SGSM1: variants seen among roughly 807,000 people sequenced by gnomAD.
SGSM1 encodes the protein small G protein signaling modulator 1.
Under a neutral mutation model 133.8 loss-of-function variants are expected in SGSM1, and 73 were observed. The ratio of observed to expected loss-of-function variants is 0.55; its 90% confidence interval spans 0.45 to 0.66. SGSM1 has a LOEUF of 0.66. Among genes scored for constraint, SGSM1 ranks in the 30% least tolerant of loss-of-function variants. The pLI is 0.00. For synonymous variants in SGSM1, 563 were observed against 573.0 expected, an observed-to-expected ratio of 0.98 and a Z score of 0.25; for missense variants, 1,213 against 1,448.1, an observed-to-expected ratio of 0.84 and a Z score of 2.64.
intron 6 of SGSM1, 86 bp downstream of exon 6, chr22:24,855,149 C>T: frequency 6.4e-7 from 1 of 1,551,412 alleles, no homozygotes; most frequent in Non-Finnish European, 8.8e-7. Flanking sequence ...TCACCCCTGT[C>T]CAGCCTTGCC....
chr22:24,850,530 C>T, intron 5 of SGSM1, 98 bp downstream of exon 5: 2 of 1,474,114 alleles, frequency 1.4e-6, no homozygotes. Flanking sequence ...TTCTTTTTCC[C>T]CTTGACAGCC....
chr22:24,915,347 G>A (rs985003109), intron 22 of SGSM1, among the ~76,000 whole-genome samples: 1 of 152,206 alleles, frequency 6.6e-6, no homozygotes, highest in Non-Finnish European at 1.5e-5. Context: ...CCAATTGCTG[G>A]AGCAGAGGGA....
Position 24,881,619 on chromosome 22 carries a change from T to C in SGSM1, c.1495+2093T>C, listed in dbSNP as rs1451706739. Among the ~76,000 whole-genome samples, 5 of 151,632 alleles carry C rather than the reference T, an allele frequency of 3.3e-5. No individual in the cohort carries two copies. In the East Asian group the frequency reaches 9.7e-4, roughly 29 times the overall value. On this transcript the variant is annotated intron_variant, in intron 14 of 24. Transcript: ENST00000400358. ...AAAAAACCAGCAACAACAACAAAAATAGTTATGCAACTCTGGGAACAGTTC... is the reference window on the plus strand; with the variant it reads ...AAAAAACCAGCAACAACAACAAAAACAGTTATGCAACTCTGGGAACAGTTC...
intron 15 of SGSM1, among the ~76,000 whole-genome samples, chr22:24,885,613 G>A (rs796687719): frequency 3.9e-5 from 6 of 151,956 alleles, no homozygotes; most frequent in African/African-American, 1.2e-4. Context: ...TTTTAGAGAC[G>A]AGGTTTCACC....
chr22:24,884,270 A>G, intron 15 of SGSM1, 72 bp downstream of exon 15: 3 of 1,530,636 alleles, frequency 2.0e-6, no homozygotes, highest in Non-Finnish European at 2.6e-6. Context: ...TCTGAGAAAT[A>G]AGCCCACATG....
chr22:24,831,194 G>T (rs1220381673), intron 2 of SGSM1, among the ~76,000 whole-genome samples: 4 of 151,672 alleles, frequency 2.6e-5, no homozygotes, highest in Admixed American at 2.6e-4. Context: ...TGGAGCGCAG[G>T]TGGGTTAGGA....
chr22:24,918,544 C>T (rs929964150), intron 23 of SGSM1, among the ~76,000 whole-genome samples: 52 of 151,896 alleles, frequency 3.4e-4, no homozygotes, highest in African/African-American at 1.2e-3. Context: ...GTGCCACGCA[C>T]TGTGCTGAGT....
Position 24,859,716 on chromosome 22 carries a change from A to T in SGSM1, c.802A>T (p.Arg268Trp), listed in dbSNP as rs201253300. ...GACCTGAGTCCTCCTCTCTCTGCAG[A>T]GGGACGACATGGAGGCTGTGCCAGG... ...YGKNNVLVQPRDDMEAVPGYL... is the reference protein window; with the variant it reads ...YGKNNVLVQPWDDMEAVPGYL... Residue 268 changes from arginine (R) to tryptophan (W), a missense_variant and splice_region_variant, in exon 9 of 25, where the codon AGG becomes TGG. By Grantham distance (101) the Arg-to-Trp change is moderately radical. Coordinates refer to ENST00000400358, the MANE Select transcript of SGSM1 (RefSeq NM_001098497.3). 1.2e-6 allele frequency: 2 copies of T among 1,613,674 alleles called. No homozygotes were observed. Among genetic ancestry groups the T allele is most frequent in the South Asian group, 2.2e-5 (2 of 91,086 alleles).
Position 24,855,356 on chromosome 22 carries a change from G to T in SGSM1, c.595G>T (p.Glu199Ter). The T allele has an allele frequency of 1.2e-6, 2 of 1,613,470 alleles. No homozygotes were observed. The highest frequency in any genetic ancestry group is 1.7e-6 in the Non-Finnish European group (2 of 1,179,708). The change falls in exon 7 of 25, where the codon GAA (glutamate) becomes TAA (stop). Residue 199 changes from glutamate to a stop codon, truncating the protein, a stop_gained. Transcript: ENST00000400358. LOFTEE classifies it high-confidence loss of function. ...CTTCTGGACCGATCCCTCGGCTGAC[G>T]AACTTGTCCAGAGGCACCGCATCCA... Reference protein sequence around the residue: ...DHFWTDPSADELVQRHRIHSS... With the variant: ...DHFWTDPSAD
chr22:24,820,252 T>G (rs1174864097), intron 2 of SGSM1, among the ~76,000 whole-genome samples: 1 of 151,990 alleles, frequency 6.6e-6, no homozygotes. Context: ...GGGGGAGCCT[T>G]CTGGTCAAGG....
intron 4 of SGSM1, 107 bp downstream of exon 4, chr22:24,847,903 A>T: frequency 7.1e-7 from 1 of 1,413,332 alleles, no homozygotes; most frequent in East Asian, 2.5e-5. Context: ...TTCAGTCTCC[A>T]TCCTGCTTCT....
At chr22:24,829,328 T>C (rs1206164430) in intron 2 of SGSM1, among the ~76,000 whole-genome samples, 1 of 152,008 alleles carries the variant, frequency 6.6e-6, no homozygotes, top group East Asian at 1.9e-4. Flanking sequence ...GAGAGCTAAA[T>C]GATGAGAACG....
Position 24,855,566 on chromosome 22 carries a change from C to T in SGSM1, c.687C>T (p.Ser229=). The T allele has an allele frequency of 1.9e-6, 3 of 1,613,866 alleles. No individual in the cohort carries two copies. The highest frequency in any genetic ancestry group is 2.5e-6 in the Non-Finnish European group (3 of 1,179,830). The part of the protein sequence containing the change: ...RPALCIQKRH[S]SGSMDDRPSL... ...TCTACCAGATCCAGAAGAGGCATTCCAGTGGCAGCATGGATGACCGGCCAT... is the reference window on the plus strand; with the variant it reads ...TCTACCAGATCCAGAAGAGGCATTCTAGTGGCAGCATGGATGACCGGCCAT... The change falls in exon 8 of 25, where the codon TCC becomes TCT. Residue 229 remains serine, a synonymous_variant. Coordinates refer to ENST00000400358, the MANE Select transcript of SGSM1 (RefSeq NM_001098497.3).
chr22:24,910,781 C>G (rs1240724357), intron 21 of SGSM1, among the ~76,000 whole-genome samples: 1 of 152,020 alleles, frequency 6.6e-6, no homozygotes, highest in Non-Finnish European at 1.5e-5. Context: ...CCCATTTCTA[C>G]TAAAAATACA....
intron 2 of SGSM1, among the ~76,000 whole-genome samples, chr22:24,829,222 A>G (rs1387146648): frequency 2.0e-5 from 3 of 152,076 alleles, no homozygotes; most frequent in South Asian, 2.1e-4. Context: ...GTGAGATCAT[A>G]TCCTTCGCAG....
chr22:24,917,537 T>C (rs1175399402), intron 22 of SGSM1, 121 bp from the exon 23 acceptor site: 1 of 579,222 alleles, frequency 1.7e-6, no homozygotes, highest in Non-Finnish European at 3.0e-6. Flanking sequence ...TTTTTTAAAC[T>C]GTAACTGGCT....
At chr22:24,885,551 G>T (rs567885481) in intron 15 of SGSM1, among the ~76,000 whole-genome samples, 1 of 147,866 alleles carries the variant, frequency 6.8e-6, no homozygotes, top group African/African-American at 2.5e-5. Context: ...CGATTCTTCT[G>T]CTTCAGCCTC....
chr22:24,856,461 A>G (rs141953877), intron 8 of SGSM1, among the ~76,000 whole-genome samples: 2 of 152,218 alleles, frequency 1.3e-5, no homozygotes, highest in Non-Finnish European at 2.9e-5. Context: ...GCCCCATCAC[A>G]TGGCTAGGCT....
Position 24,806,438 on chromosome 22 carries a change from C to T in SGSM1, c.20-3C>T. 1 of 1,523,676 alleles carries T rather than the reference C, an allele frequency of 6.6e-7. No individual in the cohort carries two copies. The allele number at this position is 1,523,676 out of a possible 1,614,324, so 94.4% of individuals were successfully genotyped here. ...CCCGCGGCTCTCGTTTCTTGTCCCA[C>T]AGAGGCGGAGACCCGACAGAGGCTG... On this transcript the variant is annotated splice_region_variant and splice_polypyrimidine_tract_variant and intron_variant, in intron 1 of 24. Coordinates refer to ENST00000400358, the MANE Select transcript of SGSM1 (RefSeq NM_001098497.3).
Sources: allele counts gnomAD v4.1 joint callset (sites outside exome capture counted in the v4.1 genomes callset), GRCh38; gene constraint gnomAD v4.1.1; transcripts MANE v1.5; gene names NCBI Gene and HGNC (gene_info 2026-07-23, HGNC 2026-07-21).